ZDHHC18: variants seen among roughly 807,000 people sequenced by gnomAD.
The protein encoded by ZDHHC18 is palmitoyltransferase ZDHHC18.
In ZDHHC18, 23 loss-of-function variants were observed where a neutral mutation model predicts 37.5. The observed-to-expected ratio is 0.61, with a 90% CI of 0.44 to 0.87. The LOEUF is 0.87. ZDHHC18 is among the 40% of genes least tolerant of loss of function. The pLI, the probability that ZDHHC18 is intolerant of heterozygous loss-of-function variation, is 0.00. For missense variants in ZDHHC18, 406 were observed against 525.6 expected (o/e 0.77, Z 2.22); for synonymous variants, 185 against 218.7 (o/e 0.85, Z 1.36).
At chr1:26,853,394 G>C (rs959634799) in intron 7 of ZDHHC18, among the ~76,000 whole-genome samples, 4 of 152,202 alleles carry the variant, frequency 2.6e-5, no homozygotes, top group African/African-American at 9.7e-5. Context: ...GCCTAGAGGG[G>C]AAGGGAACAT....
chr1:26,849,476 A>AC (rs912474630), intron 3 of ZDHHC18, among the ~76,000 whole-genome samples: 4 of 151,818 alleles, frequency 2.6e-5, no homozygotes, highest in South Asian at 2.1e-4. Context: ...AGCAGGGAAC[A>AC]CCCCCCCGTG....
At position 26,856,629 on chromosome 1, in the gene ZDHHC18, T is replaced by G. The variant is rs2081735872; in HGVS notation, c.*2786T>G. The stretch of plus-strand genomic sequence containing the variant: ...GGGCCACCGGTCACTAACACTCTTA[T>G]GTCCTGGCTTTCTGTCCCCGCTGAG... On this transcript the variant is annotated 3_prime_UTR_variant, in exon 8 of 8. Coordinates refer to ENST00000374142, the MANE Select transcript of ZDHHC18 (RefSeq NM_032283.3). The surrounding 1 kb of genome is among the most constrained non-coding windows in gnomAD (Gnocchi z 5.2). The G allele has an allele frequency of 6.4e-6, 1 of 155,956 alleles. No homozygotes were observed. The highest frequency in any genetic ancestry group is 1.4e-5 in the Non-Finnish European group (1 of 70,188). 9.7% of individuals were successfully genotyped at this position (155,956 alleles called of 1,614,324 possible).
rs780599184 is a variant in ZDHHC18 at position 26,851,142 on chromosome 1, G to C, written c.847G>C (p.Val283Leu). ...AACTGCCCTCACCGTGCTGGAGTTG[G>C]TGATCTGCTTCTTCTCCATCTGGTC... ...KETPASVLEL[V>L]ICFFSIWSIL... Residue 283 changes from valine to leucine, a missense_variant, in exon 6 of 8, where the codon GTG becomes CTG. By Grantham distance (32) the Val-to-Leu change is conservative (BLOSUM62 1). Transcript: ENST00000374142. 6.2e-7 allele frequency: 1 copy of C among 1,614,224 alleles called. No homozygotes were observed. Among genetic ancestry groups the C allele is most frequent in the East Asian group, 2.2e-5 (1 of 44,888 alleles).
At chr1:26,840,566 C>T (rs1024641341) in intron 2 of ZDHHC18, among the ~76,000 whole-genome samples, 10 of 151,292 alleles carry the variant, frequency 6.6e-5, no homozygotes, top group African/African-American at 2.4e-4. Context: ...CTCAGCCTCC[C>T]GAGTAGCTGG....
At position 26,853,689 on chromosome 1, in the gene ZDHHC18, G is replaced by T. The variant is rs777555150; in HGVS notation, c.1050-37G>T. The T allele has an allele frequency of 2.5e-6, 4 of 1,597,484 alleles. No homozygotes were observed. The East Asian group carries it at 8.9e-5, about 36-fold the overall frequency. On this transcript the variant is annotated intron_variant, in intron 7 of 7. Coordinates refer to ENST00000374142, the MANE Select transcript of ZDHHC18 (RefSeq NM_032283.3). ...CCCCTGGCCTAGAGCCTCAGTGTTG[G>T]GCAGAGCCCTCATGTGTCTCCCTTG... is the stretch of plus-strand genomic sequence containing the variant.
At chr1:26,845,931 C>A (rs1179754784) in intron 2 of ZDHHC18, among the ~76,000 whole-genome samples, 1 of 151,578 alleles carries the variant, frequency 6.6e-6, no homozygotes, top group Admixed American at 6.6e-5. Context: ...CCAGCCACCT[C>A]CATATGAGTT....
At chr1:26,837,844 T>C (rs7527776) in intron 2 of ZDHHC18, among the ~76,000 whole-genome samples, 113,143 of 152,004 alleles carry the variant, frequency 0.74, 43,719 homozygotes, top group East Asian at 1. Context: ...CCCCAGCCAC[T>C]GCTCTTCTCC....
At position 26,854,746 on chromosome 1, in the gene ZDHHC18, ACTGT is replaced by A. The variant is rs2081724698; in HGVS notation, c.*908_*911del. 1 of 152,614 alleles carries A rather than the reference ACTGT, an allele frequency of 6.6e-6. No homozygotes were observed. Among genetic ancestry groups the A allele is most frequent in the Non-Finnish European group, 1.5e-5 (1 of 68,042 alleles). 9.5% of individuals were successfully genotyped at this position (152,614 alleles called of 1,614,324 possible). A position where few individuals can be genotyped will look rare whatever the true frequency, so the allele number is the denominator to read the frequency against. ...GGAAGGAGAAAATGTCAGCCACATT[ACTGT>A]CTGTGTAGTGCCAGGTGAAGGGTTA... On this transcript the variant is annotated 3_prime_UTR_variant, in exon 8 of 8. Transcript: ENST00000374142. This position sits in a 1 kb window ranked among gnomAD's most constrained non-coding sequence, Gnocchi z 4.6.
At chr1:26,846,319 T>TTC (rs2081666106) in intron 2 of ZDHHC18, among the ~76,000 whole-genome samples, 1 of 74,788 alleles carries the variant, frequency 1.3e-5, no homozygotes, top group African/African-American at 5.5e-5. Flanking sequence ...TATTTTTTTT[T>TTC]TTTTTTTTTT....
At chr1:26,837,537 T>C (rs2081618795) in intron 2 of ZDHHC18, among the ~76,000 whole-genome samples, 1 of 151,436 alleles carries the variant, frequency 6.6e-6, no homozygotes, top group Non-Finnish European at 1.5e-5. Context: ...TGGAGTGCAA[T>C]GGTGTGATCT....
chr1:26,852,889 G>C (rs754160442), intron 7 of ZDHHC18, 24 bp downstream of exon 7: 15 of 1,607,284 alleles, frequency 9.3e-6, no homozygotes, highest in Non-Finnish European at 1.3e-5. Flanking sequence ...GTGCGGAAGA[G>C]GGGTAACAGG....
intron 2 of ZDHHC18, among the ~76,000 whole-genome samples, chr1:26,843,080 G>T (rs1037529108): frequency 6.6e-6 from 1 of 152,016 alleles, no homozygotes; most frequent in Non-Finnish European, 1.5e-5. Flanking sequence ...CTGCTCTGCC[G>T]ATATACCAGG....
At chr1:26,843,801 G>T (rs543902454) in intron 2 of ZDHHC18, among the ~76,000 whole-genome samples, 6 of 151,742 alleles carry the variant, frequency 4.0e-5, no homozygotes, top group African/African-American at 1.2e-4. Flanking sequence ...AAAAAAAAAG[G>T]TATAGAAATT....
intron 2 of ZDHHC18, among the ~76,000 whole-genome samples, chr1:26,846,168 C>A (rs1381455420): frequency 2.9e-5 from 4 of 139,854 alleles, no homozygotes; most frequent in Non-Finnish European, 3.1e-5. Context: ...GTATATATGT[C>A]TATATATACA....
intron 6 of ZDHHC18, among the ~76,000 whole-genome samples, chr1:26,851,591 T>C (rs1424424908): frequency 6.6e-6 from 1 of 152,234 alleles, no homozygotes; most frequent in Non-Finnish European, 1.5e-5. Context: ...TTGCCAAGCC[T>C]GAGGCAGAAA....
rs145876811 is a variant in ZDHHC18, at chr1:26,840,591, G to A, written c.496+7984G>A. ...CGAGTAGCTGGGATTACAGGCATGC[G>A]CCACCATGCCCGGCTAATTTTTGTA... On this transcript the variant is annotated intron_variant, in intron 2 of 7. Transcript: ENST00000374142. 7.0e-3 allele frequency among the ~76,000 whole-genome samples: 1,056 copies of A among 150,998 alleles called. 17 individuals are homozygous for A. The highest frequency in any genetic ancestry group is 0.025 in the African/African-American group (1,009 of 41,120).
rs542408625 is a variant in ZDHHC18 at position 26,829,473 on chromosome 1, G to A, written c.335+2334G>A. On this transcript the variant is annotated intron_variant, in intron 1 of 7. Transcript: ENST00000374142. ...GCTTGGAATCCCCTTCCTGCAGGTG[G>A]CCTCATGGCTCACTCTCTCACATTA... Among the ~76,000 whole-genome samples, 3 of 152,130 alleles carry A rather than the reference G, an allele frequency of 2.0e-5. No homozygotes were observed. The East Asian group carries it at 5.8e-4, about 29-fold the overall frequency.
Position 26,848,764 on chromosome 1 carries a change from A to C in ZDHHC18, c.646+7A>C, listed in dbSNP as rs1466500312. On this transcript the variant is annotated splice_region_variant and intron_variant, in intron 3 of 7. Coordinates refer to ENST00000374142, the MANE Select transcript of ZDHHC18 (RefSeq NM_032283.3). ...GTCTGCGACAACTGTGTGGGTGAGT[A>C]GGAGGCAGCAGGGAGGGATGCAGGG... The C allele has an allele frequency of 1.2e-6, 2 of 1,604,860 alleles. No homozygotes were observed. Among genetic ancestry groups the C allele is most frequent in the Non-Finnish European group, 1.7e-6 (2 of 1,172,278 alleles).
intron 2 of ZDHHC18, among the ~76,000 whole-genome samples, chr1:26,838,425 G>A (rs901480207): frequency 6.6e-6 from 1 of 152,114 alleles, no homozygotes; most frequent in Admixed American, 6.6e-5. Flanking sequence ...TTACAGTCAC[G>A]AGCCACTGCA....
Sources: gnomAD v4.1 joint callset for allele counts (sites outside exome capture counted in the v4.1 genomes callset) on GRCh38, gnomAD v4.1.1 for gene constraint, Gnocchi (gnomAD v3.1) non-coding constraint, MANE v1.5 for transcripts, NCBI Gene and HGNC (gene_info 2026-07-23, HGNC 2026-07-21) for gene names.